The following GNAQ variants were observed in gnomAD, a reference collection of about 807,000 sequenced individuals.
The protein encoded by GNAQ is guanine nucleotide-binding protein G(q) subunit alpha.
A neutral mutation model predicts 43.9 loss-of-function variants in GNAQ; 8 were observed. That is an observed-to-expected ratio of 0.18 (90% confidence interval 0.11 to 0.33). GNAQ has a LOEUF of 0.33. GNAQ is among the 10% of genes least tolerant of loss of function. The pLI is 1.00. For missense variants in GNAQ, 158 were observed against 450.8 expected, an observed-to-expected ratio of 0.35 and a Z score of 5.88; for synonymous variants, 155 against 170.7, an observed-to-expected ratio of 0.91 and a Z score of 0.71.
At chr9:77,948,578 T>A (rs1822934258) in intron 1 of GNAQ, among the ~76,000 whole-genome samples, 1 of 152,094 alleles carries the variant, frequency 6.6e-6, no homozygotes, top group African/African-American at 2.4e-5. Context: ...CATGCAAGAA[T>A]TAACACAGCG....
chr9:77,941,073 G>T (rs1829310007), intron 1 of GNAQ, among the ~76,000 whole-genome samples: 1 of 151,982 alleles, frequency 6.6e-6, no homozygotes, highest in African/African-American at 2.4e-5. Context: ...AGTATTAAAA[G>T]AATTAACAAA....
chr9:77,752,439 C>A (rs1825826095), intron 5 of GNAQ, among the ~76,000 whole-genome samples: 1 of 152,202 alleles, frequency 6.6e-6, no homozygotes, highest in African/African-American at 2.4e-5. Context: ...TGAATGTGTG[C>A]TTCACACTTC....
At chr9:77,895,780 T>C (rs1026494977) in intron 2 of GNAQ, among the ~76,000 whole-genome samples, 2 of 152,162 alleles carry the variant, frequency 1.3e-5, no homozygotes. Flanking sequence ...AGGATGGATC[T>C]TTCCGGTGCT....
chr9:77,839,891 G>A (rs941264632), intron 2 of GNAQ, among the ~76,000 whole-genome samples: 2 of 152,176 alleles, frequency 1.3e-5, no homozygotes, highest in Non-Finnish European at 2.9e-5. Flanking sequence ...TAGCATTCCT[G>A]TGCCAAGTTA....
chr9:77,745,614 A>T (rs4989028), intron 5 of GNAQ, among the ~76,000 whole-genome samples: 11 of 151,462 alleles, frequency 7.3e-5, no homozygotes, highest in Non-Finnish European at 1.6e-4. Flanking sequence ...ACACACACAA[A>T]AAAAAAATCT....
chr9:77,780,002 T>C (rs989258779), intron 5 of GNAQ, among the ~76,000 whole-genome samples: 4 of 151,932 alleles, frequency 2.6e-5, no homozygotes, highest in Admixed American at 2.0e-4. Context: ...TGTTTTAAAA[T>C]TGGCACATAA....
At chr9:77,829,514 GTTAT>G (rs1827262525) in intron 2 of GNAQ, among the ~76,000 whole-genome samples, 1 of 152,186 alleles carries the variant, frequency 6.6e-6, no homozygotes. Context: ...TGAGAAAAGT[GTTAT>G]TTAGTGTTCA....
intron 5 of GNAQ, among the ~76,000 whole-genome samples, chr9:77,757,837 A>G (rs1046295902): frequency 1.3e-5 from 2 of 152,212 alleles, no homozygotes; most frequent in African/African-American, 4.8e-5. Context: ...ATCTAGTTCT[A>G]GTAACACGGA....
intron 2 of GNAQ, among the ~76,000 whole-genome samples, chr9:77,869,144 ACACTAACCAT>A (rs1827996228): frequency 6.6e-6 from 1 of 152,110 alleles, no homozygotes; most frequent in Non-Finnish European, 1.5e-5. Context: ...ATCTCTAAAT[ACACTAACCAT>A]GTAAGTAATT....
chr9:77,869,949 C>G (rs1216212207), intron 2 of GNAQ, among the ~76,000 whole-genome samples: 1 of 152,162 alleles, frequency 6.6e-6, no homozygotes, highest in African/African-American at 2.4e-5. Context: ...ATGTTTATAT[C>G]TACATGTGTA....
At chr9:77,856,770 C>T (rs928967577) in intron 2 of GNAQ, among the ~76,000 whole-genome samples, 1 of 152,238 alleles carries the variant, frequency 6.6e-6, no homozygotes, top group South Asian at 2.1e-4. Context: ...AATGATTCAT[C>T]CAGGAAAAAT....
intron 5 of GNAQ, among the ~76,000 whole-genome samples, chr9:77,747,177 T>C (rs1564098175): frequency 2.0e-5 from 3 of 152,096 alleles, no homozygotes; most frequent in Non-Finnish European, 2.9e-5. Flanking sequence ...TTTTAAATAA[T>C]GAACATATAT....
At chr9:77,964,072 A>C (rs1171845869) in intron 1 of GNAQ, among the ~76,000 whole-genome samples, 7 of 152,192 alleles carry the variant, frequency 4.6e-5, no homozygotes, top group Non-Finnish European at 7.4e-5. Flanking sequence ...AAATGAAGTT[A>C]ATACTTTTTA....
chr9:77,980,648 T>C (rs894430647), intron 1 of GNAQ, among the ~76,000 whole-genome samples: 3 of 147,568 alleles, frequency 2.0e-5, no homozygotes, highest in East Asian at 2.0e-4. Flanking sequence ...TTCCAAAAGA[T>C]ACCACTTTAC....
intron 1 of GNAQ, among the ~76,000 whole-genome samples, chr9:77,971,397 C>T (rs967730002): frequency 6.6e-6 from 1 of 152,132 alleles, no homozygotes; most frequent in African/African-American, 2.4e-5. Flanking sequence ...ACTGGCAAAC[C>T]AAATCCAGCA....
chr9:77,785,525 G>T (rs1826463129), intron 5 of GNAQ, among the ~76,000 whole-genome samples: 1 of 152,132 alleles, frequency 6.6e-6, no homozygotes, highest in African/African-American at 2.4e-5. Flanking sequence ...ACCATCAGAG[G>T]GAGCTGCTGA....
chr9:77,927,699 A>T (rs1829089990), intron 1 of GNAQ, among the ~76,000 whole-genome samples: 1 of 152,154 alleles, frequency 6.6e-6, no homozygotes, highest in Non-Finnish European at 1.5e-5. Context: ...CAGTTACCAA[A>T]ACTGTGGCAT....
rs1204273845 is a variant in GNAQ, at chr9:77,761,149, G to A, written c.736-32482C>T. 5.1e-4 allele frequency among the ~76,000 whole-genome samples: 70 copies of A among 138,002 alleles called. 1 individual carries two copies. The highest frequency in any genetic ancestry group is 6.5e-4 in the East Asian group (3 of 4,588). The allele number at this position is 138,002 out of a possible 152,430, so 90.5% of individuals were successfully genotyped here. On this transcript the variant is annotated intron_variant, in intron 5 of 6. Transcript: ENST00000286548. ...AGCCCCCCGCCCGGCCAGCCGCCCC[G>A]TCCGGGAGGGAGGTGGGGGGGTCAG...
intron 2 of GNAQ, among the ~76,000 whole-genome samples, chr9:77,844,849 T>C (rs1359200554): frequency 2.5e-5 from 2 of 80,974 alleles, no homozygotes; most frequent in Non-Finnish European, 4.9e-5. Context: ...ATTTTTTGTA[T>C]TTTTAGTACA....
Sources: allele counts gnomAD v4.1 joint callset (sites outside exome capture counted in the v4.1 genomes callset), GRCh38; gene constraint gnomAD v4.1.1; transcripts MANE v1.5; gene names NCBI Gene and HGNC (gene_info 2026-07-23, HGNC 2026-07-21).